SMU1: variants seen among roughly 807,000 people sequenced by gnomAD.
The protein encoded by SMU1 is SMU1 DNA replication regulator and spliceosomal factor, also known as WD40 repeat-containing protein SMU1.
Under a neutral mutation model 62.0 loss-of-function variants are expected in SMU1, and 2 were observed. That is an observed-to-expected ratio of 0.03 (90% CI 0.01 to 0.10). SMU1 has a LOEUF of 0.10. Ranked by LOEUF, SMU1 falls within the 10% of genes least tolerant of loss-of-function variation. The pLI is 1.00. For synonymous variants in SMU1, 188 were observed against 212.4 expected, an observed-to-expected ratio of 0.89 and a Z score of 1.00; for missense variants, 227 against 622.1, an observed-to-expected ratio of 0.36 and a Z score of 6.76.
intron 4 of SMU1, among the ~76,000 whole-genome samples, chr9:33,064,531 GT>G (rs906711032): frequency 2.6e-5 from 4 of 151,932 alleles, no homozygotes; most frequent in African/African-American, 9.7e-5. Context: ...TTATTCCTAG[GT>G]TTTGTGGTAT....
intron 10 of SMU1, among the ~76,000 whole-genome samples, chr9:33,052,017 C>CA (rs1387016680): frequency 0.099 from 6,775 of 68,188 alleles, 182 homozygotes; most frequent in East Asian, 0.21. Context: ...AACTCCATCT[C>CA]AAAAAAAAAA....
intron 5 of SMU1, 90 bp from the exon 6 acceptor site, chr9:33,060,674 A>G (rs1007816532): frequency 5.9e-6 from 9 of 1,536,188 alleles, no homozygotes. Flanking sequence ...ACCCTGCCCT[A>G]GCATAAAGTC....
At chr9:33,050,239 A>G (rs190752583) in intron 10 of SMU1, among the ~76,000 whole-genome samples, 41 of 152,334 alleles carry the variant, frequency 2.7e-4, no homozygotes, top group African/African-American at 8.2e-4. Flanking sequence ...ACCACACTCA[A>G]TGCTGGTGAG....
chr9:33,051,763 T>G (rs1396598992), intron 10 of SMU1, among the ~76,000 whole-genome samples: 2 of 152,090 alleles, frequency 1.3e-5, no homozygotes, highest in Admixed American at 1.3e-4. Flanking sequence ...ATAAAACCAT[T>G]CTGTATCCTG....
intron 1 of SMU1, among the ~76,000 whole-genome samples, chr9:33,074,512 G>C (rs1439771683): frequency 6.6e-6 from 1 of 152,078 alleles, no homozygotes. Flanking sequence ...TGGGAAGCTG[G>C]GGTGGGAGGA....
In SMU1 at chr9:33,041,855, A is replaced by C. The variant is rs528798845; in HGVS notation, c.*5438T>G. On this transcript the variant is annotated 3_prime_UTR_variant, in exon 12 of 12. Transcript: ENST00000397149. The stretch of plus-strand genomic sequence containing the variant: ...GCTAAATGAAATAAGCCAGATAAAA[A>C]AGGACAAGTATTGTATAATTTCACT... 1 of 152,144 alleles carries C rather than the reference A, an allele frequency of 6.6e-6. No homozygotes were observed. The highest frequency in any genetic ancestry group is 2.4e-5 in the African/African-American group (1 of 41,494). 9.4% of individuals were successfully genotyped at this position (152,144 alleles called of 1,614,324 possible).
Position 33,044,295 on chromosome 9 carries a change from CGAT to C in SMU1, c.*2995_*2997del, listed in dbSNP as rs1008625154. 2 of 152,468 alleles carry C rather than the reference CGAT, an allele frequency of 1.3e-5. No individual in the cohort carries two copies. The highest frequency in any genetic ancestry group is 4.8e-5 in the African/African-American group (2 of 41,468). 9.4% of individuals were successfully genotyped at this position (152,468 alleles called of 1,614,324 possible). On this transcript the variant is annotated 3_prime_UTR_variant, in exon 12 of 12. Transcript: ENST00000397149. Reference sequence around the variant, plus strand: ...CAGCCGCTGCCACCGGCCCTTAAGACGATGTGACCGCCAATTTTGTAACAGTGA... The same window carrying C: ...CAGCCGCTGCCACCGGCCCTTAAGACGTGACCGCCAATTTTGTAACAGTGA...
chr9:33,042,470 TACTTGTAGGGAATAGG>T lies in SMU1; in HGVS notation c.*4807_*4822del. On this transcript the variant is annotated 3_prime_UTR_variant, in exon 12 of 12. Coordinates refer to ENST00000397149, the MANE Select transcript of SMU1 (RefSeq NM_018225.3). Reference sequence around the variant, plus strand: ...CTGTGATGCTTCTCCTGCCCATTCATACTTGTAGGGAATAGGAGTAGAGGCCAATTATGTCGCTTGA... The same window carrying T: ...CTGTGATGCTTCTCCTGCCCATTCATAGTAGAGGCCAATTATGTCGCTTGA... 6.6e-6 allele frequency: 1 copy of T among 152,484 alleles called. No homozygotes were observed. Among genetic ancestry groups the T allele is most frequent in the Non-Finnish European group, 1.5e-5 (1 of 68,046 alleles). 9.4% of individuals were successfully genotyped at this position (152,484 alleles called of 1,614,324 possible).
rs1242497299 is a variant in SMU1 at position 33,073,944 on chromosome 9, G to A, written c.27-138C>T. On this transcript the variant is annotated intron_variant, in intron 1 of 11. Coordinates refer to ENST00000397149, the MANE Select transcript of SMU1 (RefSeq NM_018225.3). Reference sequence around the variant, plus strand: ...GTGAGTAAAATTTTCCAAAATCACAGAATCTAAATTATAAGGGGACCCCCC... The same window carrying A: ...GTGAGTAAAATTTTCCAAAATCACAAAATCTAAATTATAAGGGGACCCCCC... 8 of 762,092 alleles carry A rather than the reference G, an allele frequency of 1.0e-5. No homozygotes were observed. In the South Asian group the frequency reaches 1.2e-4, roughly 11 times the overall value. The allele number at this position is 762,092 out of a possible 1,614,324, so 47.2% of individuals were successfully genotyped here.
At chr9:33,059,100 TG>T (rs1839334265) in intron 6 of SMU1, among the ~76,000 whole-genome samples, 1 of 152,184 alleles carries the variant, frequency 6.6e-6, no homozygotes, top group Admixed American at 6.5e-5. Context: ...TAGGTTAGAT[TG>T]GAAATGATCT....
At chr9:33,064,359 G>A (rs776411443) in intron 4 of SMU1, among the ~76,000 whole-genome samples, 1 of 152,146 alleles carries the variant, frequency 6.6e-6, no homozygotes, top group Admixed American at 6.5e-5. Flanking sequence ...TATCAGGTTT[G>A]ATAGATTATA....
In SMU1 at chr9:33,076,633, C is replaced by T. The variant is rs774204951; in HGVS notation, c.-25G>A. 4 of 1,613,776 alleles carry T rather than the reference C, an allele frequency of 2.5e-6. No individual in the cohort carries two copies. The highest frequency in any genetic ancestry group is 3.4e-6 in the Non-Finnish European group (4 of 1,180,030). ...TAGCCGTATCTCTCCGGGAGCAGGCCCCAGCTCTCCCTCAAGGCCAGTCGC... is the reference window on the plus strand; with the variant it reads ...TAGCCGTATCTCTCCGGGAGCAGGCTCCAGCTCTCCCTCAAGGCCAGTCGC... On this transcript the variant is annotated 5_prime_UTR_variant, in exon 1 of 12. Coordinates refer to ENST00000397149, the MANE Select transcript of SMU1 (RefSeq NM_018225.3).
chr9:33,068,451 G>C (rs879759429), intron 4 of SMU1, among the ~76,000 whole-genome samples: 1 of 152,168 alleles, frequency 6.6e-6, no homozygotes, highest in Admixed American at 6.5e-5. Flanking sequence ...AATTTCTTCA[G>C]CTAAGACATA....
intron 11 of SMU1, 57 bp from the exon 12 acceptor site, chr9:33,047,448 T>C: frequency 1.4e-6 from 2 of 1,450,430 alleles, no homozygotes; most frequent in Admixed American, 3.6e-5. Context: ...ATCACTCTGA[T>C]GAGGCTTCCA....
intron 6 of SMU1, among the ~76,000 whole-genome samples, chr9:33,060,111 G>A (rs932203388): frequency 6.6e-6 from 1 of 152,006 alleles, no homozygotes; most frequent in African/African-American, 2.4e-5. Flanking sequence ...CTGGCTTGAG[G>A]GATCCTCCCA....
intron 3 of SMU1, among the ~76,000 whole-genome samples, chr9:33,071,370 A>T (rs2117872139): frequency 6.6e-6 from 1 of 152,326 alleles, no homozygotes; most frequent in South Asian, 2.1e-4. Context: ...AAAGGCTAGA[A>T]GGAAACTACA....
rs2119409641 is a variant in SMU1, at chr9:33,043,663, C to T, written c.*3630G>A. 6.6e-6 allele frequency: 1 copy of T among 152,286 alleles called. No individual in the cohort carries two copies. The highest frequency in any genetic ancestry group is 2.4e-5 in the African/African-American group (1 of 41,528). The allele number at this position is 152,286 out of a possible 1,614,324, so 9.4% of individuals were successfully genotyped here. A position where few individuals can be genotyped will look rare whatever the true frequency, so the allele number is the denominator to read the frequency against. On this transcript the variant is annotated 3_prime_UTR_variant, in exon 12 of 12. Coordinates refer to ENST00000397149, the MANE Select transcript of SMU1 (RefSeq NM_018225.3). Reference sequence around the variant, plus strand: ...GAGGAACAATCCATGTATTCTTTGTCCCTGCCCAAACCTAAAGATTGAGGA... The same window carrying T: ...GAGGAACAATCCATGTATTCTTTGTTCCTGCCCAAACCTAAAGATTGAGGA...
intron 10 of SMU1, among the ~76,000 whole-genome samples, chr9:33,050,347 C>G (rs1839229144): frequency 6.6e-6 from 1 of 152,140 alleles, no homozygotes; most frequent in South Asian, 2.1e-4. Flanking sequence ...ACTAAACATA[C>G]TTTACCATAC....
intron 3 of SMU1, among the ~76,000 whole-genome samples, chr9:33,069,779 G>A (rs1839466245): frequency 6.6e-6 from 1 of 152,144 alleles, no homozygotes. Context: ...TCCAGCCGGG[G>A]AGACAACAGC....
Sources: allele counts gnomAD v4.1 joint callset (sites outside exome capture counted in the v4.1 genomes callset), GRCh38; gene constraint gnomAD v4.1.1; transcripts MANE v1.5; gene names NCBI Gene and HGNC (gene_info 2026-07-23, HGNC 2026-07-21).